ZNF808: variants seen among roughly 807,000 people sequenced by gnomAD.
ZNF808 encodes zinc finger protein 808.
Under a neutral mutation model 8.7 loss-of-function variants are expected in ZNF808, and 5 were observed. The observed-to-expected ratio is 0.58, with a 90% CI of 0.30 to 1.21. ZNF808 has a LOEUF of 1.21. Ranked by LOEUF, ZNF808 falls within the 50% of genes most tolerant of loss-of-function variation. ZNF808 has a pLI of 0.07. For synonymous variants in ZNF808, 380 were observed against 366.0 expected (o/e 1.04, Z -0.44); for missense variants, 1,103 against 1,098.4 (o/e 1.00, Z -0.06).
Position 52,555,066 on chromosome 19 carries a change from G to C in ZNF808, c.2150G>C (p.Ser717Thr), listed in dbSNP as rs1352033511. The C allele has an allele frequency of 6.2e-7, 1 of 1,614,036 alleles. No homozygotes were observed. The highest frequency in any genetic ancestry group is 8.5e-7 in the Non-Finnish European group (1 of 1,180,020). Residue 717 changes from serine to threonine, a missense_variant, in exon 5 of 5, where the codon AGT (serine) becomes ACT (threonine). Transcript: ENST00000359798. ...TGTAATGAGTGCAGCAAGACCTTCAGTAACAGGTCATCCCTTGTATGCCAT... is the reference window on the plus strand; with the variant it reads ...TGTAATGAGTGCAGCAAGACCTTCACTAACAGGTCATCCCTTGTATGCCAT... ...YKCNECSKTF[S>T]NRSSLVCHRR...
intron 4 of ZNF808, among the ~76,000 whole-genome samples, chr19:52,551,947 G>T (rs1245976220): frequency 1.3e-5 from 2 of 152,056 alleles, no homozygotes; most frequent in African/African-American, 2.4e-5. Flanking sequence ...AGGTTGCAGT[G>T]AGCTGAGATT....
chr19:52,536,637 C>T (rs1307776349), intron 2 of ZNF808, among the ~76,000 whole-genome samples: 1 of 152,188 alleles, frequency 6.6e-6, no homozygotes, highest in Non-Finnish European at 1.5e-5. Flanking sequence ...CCCAGCTCCA[C>T]CCTCCGGAAA....
chr19:52,562,201 AAC>A, intron 3 of ZNF808, among the ~76,000 whole-genome samples: 1 of 152,002 alleles, frequency 6.6e-6, no homozygotes, highest in South Asian at 2.1e-4. Context: ...AACATGGTGA[AAC>A]CCTTTCCCTA....
At position 52,554,239 on chromosome 19, in the gene ZNF808, C is replaced by G; in HGVS notation, c.1323C>G (p.Thr441=). ...ACAAAGTTTTCAGTCAGAAATCAAC[C>G]CTTGAGAGACATAAGAGAATTCATA... The part of the protein sequence containing the change: ...ECDKVFSQKS[T]LERHKRIHTG... The change falls in exon 5 of 5, where the codon ACC becomes ACG. Residue 441 remains threonine, a synonymous_variant. Coordinates refer to ENST00000359798, the MANE Select transcript of ZNF808 (RefSeq NM_001039886.4). The G allele has an allele frequency of 6.2e-7, 1 of 1,613,252 alleles. No individual in the cohort carries two copies. The highest frequency in any genetic ancestry group is 8.5e-7 in the Non-Finnish European group (1 of 1,179,576).
intron 3 of ZNF808, among the ~76,000 whole-genome samples, chr19:52,544,890 T>G (rs1232466351): frequency 6.6e-6 from 1 of 152,178 alleles, no homozygotes; most frequent in Admixed American, 6.6e-5. Context: ...TTCAAGCAAT[T>G]CTTTTGCCTC....
downstream of ZNF808, among the ~76,000 whole-genome samples, chr19:52,565,497 A>G (rs2059870985): frequency 6.6e-6 from 1 of 152,178 alleles, no homozygotes; most frequent in South Asian, 2.1e-4. Flanking sequence ...CTCCACCCCA[A>G]AATAGTTCTG....
At chr19:52,533,250 C>T (rs413814) in intron 2 of ZNF808, among the ~76,000 whole-genome samples, 1 of 151,680 alleles carries the variant, frequency 6.6e-6, no homozygotes, top group African/African-American at 2.4e-5. Flanking sequence ...AACGGAGACA[C>T]AGTTTCGCTC....
At chr19:52,533,670 A>G (rs1257860820) in intron 2 of ZNF808, among the ~76,000 whole-genome samples, 6 of 151,686 alleles carry the variant, frequency 4.0e-5, no homozygotes, top group Admixed American at 6.6e-5. Context: ...CCTGACAAAC[A>G]TGTTGAAACC....
chr19:52,539,184 ATTT>A (rs3049209), intron 2 of ZNF808, among the ~76,000 whole-genome samples: 5 of 117,736 alleles, frequency 4.2e-5, no homozygotes, highest in African/African-American at 1.5e-4. Flanking sequence ...TCTTCATTTC[ATTT>A]TTTTTTTTTT....
intron 4 of ZNF808, among the ~76,000 whole-genome samples, chr19:52,551,201 A>G (rs1288165630): frequency 6.6e-6 from 1 of 151,968 alleles, no homozygotes; most frequent in East Asian, 1.9e-4. Context: ...AAAATACAAA[A>G]ATTAGCTGGG....
chr19:52,561,163 TCTC>T (rs2059855304), downstream of ZNF808, among the ~76,000 whole-genome samples: 174 of 67,044 alleles, frequency 2.6e-3, 4 homozygotes, highest in East Asian at 6.1e-3. Context: ...ATCTGTTCTC[TCTC>T]TCTCTCTCTC....
Position 52,554,453 on chromosome 19 carries a change from T to G in ZNF808, c.1537T>G (p.Cys513Gly). Residue 513 changes from cysteine (C) to glycine (G), a missense_variant, in exon 5 of 5, where the codon TGT (cysteine) becomes GGT (glycine). Coordinates refer to ENST00000359798, the MANE Select transcript of ZNF808 (RefSeq NM_001039886.4). The stretch of plus-strand genomic sequence containing the variant: ...TCATAGTGGTGAAAAACCTTACAAG[T>G]GTAATCAGTGTGGCAATACCTTCCG... ...RLHSGEKPYK[C>G]NQCGNTFRHR... 2 of 1,614,136 alleles carry G rather than the reference T, an allele frequency of 1.2e-6. No individual in the cohort carries two copies. Among genetic ancestry groups the G allele is most frequent in the Non-Finnish European group, 1.7e-6 (2 of 1,180,020 alleles).
chr19:52,550,927 A>T (rs1257293295), intron 4 of ZNF808, among the ~76,000 whole-genome samples: 1 of 152,146 alleles, frequency 6.6e-6, no homozygotes, highest in African/African-American at 2.4e-5. Flanking sequence ...TCTGTCAGAA[A>T]TAGCTTAGAC....
downstream of ZNF808, among the ~76,000 whole-genome samples, chr19:52,557,270 C>CTT (rs770756121): frequency 1.4e-5 from 2 of 142,112 alleles, no homozygotes; most frequent in African/African-American, 2.6e-5. Flanking sequence ...TGCCCCGCCT[C>CTT]TTTTTTTTTT....
intron 4 of ZNF808, among the ~76,000 whole-genome samples, chr19:52,549,730 C>G (rs189765471): frequency 1.3e-5 from 2 of 152,272 alleles, no homozygotes; most frequent in Admixed American, 6.5e-5. Context: ...CCTTGACTCA[C>G]ATGATACATT....
chr19:52,528,280 T>C (rs329948), intron 1 of ZNF808, among the ~76,000 whole-genome samples: 14,193 of 152,138 alleles, frequency 0.093, 1,020 homozygotes, highest in African/African-American at 0.2. Context: ...TCCTGTGACA[T>C]GGGGTCTTCT....
chr19:52,566,080 A>G (rs1274062690), downstream of ZNF808, among the ~76,000 whole-genome samples: 1 of 152,150 alleles, frequency 6.6e-6, no homozygotes, highest in African/African-American at 2.4e-5. Flanking sequence ...CAACTCCTTC[A>G]TATTTATTCA....
chr19:52,543,822 AT>A (rs2059695725), intron 3 of ZNF808, among the ~76,000 whole-genome samples: 1 of 151,150 alleles, frequency 6.6e-6, no homozygotes, highest in Non-Finnish European at 1.5e-5. Flanking sequence ...ACACTAGTAG[AT>A]CAAGATGTCT....
chr19:52,553,610 C>G lies in ZNF808; in HGVS notation c.694C>G (p.Pro232Ala). ...QEVHMREKSFPCNESGKAFNC... is the reference protein window; with the variant it reads ...QEVHMREKSFACNESGKAFNC... The stretch of plus-strand genomic sequence containing the variant: ...AGTACACATGAGAGAAAAATCTTTC[C>G]CATGTAATGAGAGTGGCAAAGCCTT... The change falls in exon 5 of 5, where the codon CCA (proline) becomes GCA (alanine). Residue 232 changes from proline (P) to alanine (A), a missense_variant. By Grantham distance (27) the Pro-to-Ala change is conservative. Coordinates refer to ENST00000359798, the MANE Select transcript of ZNF808 (RefSeq NM_001039886.4). 2 of 1,614,132 alleles carry G rather than the reference C, an allele frequency of 1.2e-6. No individual in the cohort carries two copies. Among genetic ancestry groups the G allele is most frequent in the Non-Finnish European group, 1.7e-6 (2 of 1,180,030 alleles).
Sources: allele counts gnomAD v4.1 joint callset (sites outside exome capture counted in the v4.1 genomes callset), GRCh38; gene constraint gnomAD v4.1.1; transcripts MANE v1.5; gene names NCBI Gene and HGNC (gene_info 2026-07-23, HGNC 2026-07-21).